Variants in HS3ST3A1 observed in about 807,000 individuals in gnomAD.
HS3ST3A1 encodes heparan sulfate-glucosamine 3-sulfotransferase 3A1.
HS3ST3A1 carries 19 observed loss-of-function variants against 25.7 expected under a neutral mutation model. The observed-to-expected ratio is 0.74, with a 90% CI of 0.52 to 1.08. The LOEUF (loss-of-function observed/expected upper bound fraction) is 1.08, where lower values mean the gene tolerates loss of function less well. HS3ST3A1 is among the 50% of genes least tolerant of loss of function. HS3ST3A1 has a pLI of 0.00. For missense variants in HS3ST3A1, 459 were observed against 594.3 expected (o/e 0.77, Z 2.37); for synonymous variants, 226 against 278.6 (o/e 0.81, Z 1.88).
At chr17:13,537,991 T>C (rs1906820045) in intron 1 of HS3ST3A1, among the ~76,000 whole-genome samples, 1 of 152,252 alleles carries the variant, frequency 6.6e-6, no homozygotes, top group Non-Finnish European at 1.5e-5. Flanking sequence ...CTTGTTCAAC[T>C]AATACAATAA....
intron 1 of HS3ST3A1, among the ~76,000 whole-genome samples, chr17:13,596,489 T>C (rs1018025459): frequency 1.3e-5 from 2 of 151,638 alleles, no homozygotes; most frequent in African/African-American, 4.8e-5. Context: ...TGGTTGTCTA[T>C]TGGGGATGAG....
chr17:13,494,413 C>T lies in HS3ST3A1; in HGVS notation c.*1784G>A, dbSNP rs1905216222. On this transcript the variant is annotated 3_prime_UTR_variant, in exon 2 of 2. Transcript: ENST00000284110. ...CTAACACTTAAAATATTTTTTCCTT[C>T]ATTTTAATCCTGTGTTAAGCTTCTC... 1.3e-5 allele frequency among the ~76,000 whole-genome samples: 2 copies of T among 152,158 alleles called. No homozygotes were observed. Among genetic ancestry groups the T allele is most frequent in the African/African-American group, 4.8e-5 (2 of 41,438 alleles).
chr17:13,596,159 G>A (rs1394502436), intron 1 of HS3ST3A1, among the ~76,000 whole-genome samples: 2 of 152,094 alleles, frequency 1.3e-5, no homozygotes, highest in Non-Finnish European at 2.9e-5. Flanking sequence ...TAAAGTATAA[G>A]AGCGTATTAT....
intron 1 of HS3ST3A1, among the ~76,000 whole-genome samples, chr17:13,533,522 C>T (rs7209410): frequency 0.36 from 45,575 of 126,276 alleles, 11,508 homozygotes; most frequent in African/African-American, 0.65. Flanking sequence ...ACTGAAGTTA[C>T]TAATTTTTAA....
At chr17:13,535,161 C>G (rs888218689) in intron 1 of HS3ST3A1, among the ~76,000 whole-genome samples, 1 of 152,186 alleles carries the variant, frequency 6.6e-6, no homozygotes, top group African/African-American at 2.4e-5. Context: ...AAATCATAAT[C>G]TTGTTTTATG....
intron 1 of HS3ST3A1, among the ~76,000 whole-genome samples, chr17:13,573,190 A>G (rs1197351484): frequency 6.6e-6 from 1 of 152,270 alleles, no homozygotes; most frequent in East Asian, 1.9e-4. Context: ...ATGGCATTAC[A>G]GTTGCCCTAG....
intron 1 of HS3ST3A1, among the ~76,000 whole-genome samples, chr17:13,558,091 G>A (rs899270043): frequency 6.6e-6 from 1 of 152,142 alleles, no homozygotes; most frequent in Non-Finnish European, 1.5e-5. Flanking sequence ...AGTCCACCAA[G>A]ATTTCATTTA....
rs114243224 is a variant in HS3ST3A1 at position 13,518,048 on chromosome 17, T to G, written c.600-21230A>C. On this transcript the variant is annotated intron_variant, in intron 1 of 1. Coordinates refer to ENST00000284110, the MANE Select transcript of HS3ST3A1 (RefSeq NM_006042.3). Reference sequence around the variant, plus strand: ...TTGAAAAAATGGAGGCATAAGAGACTAGTGCTTGTAAAAATGGAGGCATAT... The same window carrying G: ...TTGAAAAAATGGAGGCATAAGAGACGAGTGCTTGTAAAAATGGAGGCATAT... Among the ~76,000 whole-genome samples, 1,008 of 152,284 alleles carry G rather than the reference T, an allele frequency of 6.6e-3. 11 individuals are homozygous for G. Among genetic ancestry groups the G allele is most frequent in the African/African-American group, 0.023 (964 of 41,554 alleles).
At chr17:13,584,645 C>T (rs911022820) in intron 1 of HS3ST3A1, among the ~76,000 whole-genome samples, 2 of 152,116 alleles carry the variant, frequency 1.3e-5, no homozygotes, top group Non-Finnish European at 2.9e-5. Context: ...AACAATTAAT[C>T]ATGCCACTAT....
At chr17:13,579,311 C>T (rs759843645) in intron 1 of HS3ST3A1, among the ~76,000 whole-genome samples, 13 of 152,094 alleles carry the variant, frequency 8.5e-5, no homozygotes, top group African/African-American at 2.4e-4. Flanking sequence ...TTAGAAATAA[C>T]ATTACAAACA....
chr17:13,550,912 C>G (rs1288738912), intron 1 of HS3ST3A1, among the ~76,000 whole-genome samples: 1 of 151,728 alleles, frequency 6.6e-6, no homozygotes, highest in Non-Finnish European at 1.5e-5. Flanking sequence ...ACGAAAAATA[C>G]AAAAATTAGC....
intron 1 of HS3ST3A1, among the ~76,000 whole-genome samples, chr17:13,558,366 T>C (rs1239980877): frequency 3.3e-5 from 5 of 152,088 alleles, no homozygotes; most frequent in Non-Finnish European, 7.4e-5. Flanking sequence ...ATACATATGG[T>C]ATTATTTATA....
At chr17:13,552,227 A>T (rs1000588365) in intron 1 of HS3ST3A1, among the ~76,000 whole-genome samples, 3 of 152,048 alleles carry the variant, frequency 2.0e-5, no homozygotes, top group Non-Finnish European at 4.4e-5. Context: ...TTACAGGCAC[A>T]CACCACCACA....
chr17:13,526,101 C>T (rs922962937), intron 1 of HS3ST3A1, among the ~76,000 whole-genome samples: 2 of 151,956 alleles, frequency 1.3e-5, no homozygotes, highest in East Asian at 4.0e-4. Flanking sequence ...TGGCCCTTGG[C>T]GTCTCCACAG....
intron 1 of HS3ST3A1, among the ~76,000 whole-genome samples, chr17:13,526,478 A>ATATATATATATATT (rs1159459820): frequency 4.2e-5 from 2 of 47,488 alleles, no homozygotes; most frequent in African/African-American, 2.0e-4. Context: ...TAATTTTTAT[A>ATATATATATATATT]TATATATATA....
chr17:13,503,813 C>T (rs1284465449), intron 1 of HS3ST3A1, among the ~76,000 whole-genome samples: 4 of 152,128 alleles, frequency 2.6e-5, no homozygotes, highest in Non-Finnish European at 5.9e-5. Context: ...CACTATCTAC[C>T]AAACGAGCGC....
At chr17:13,507,546 C>T (rs1905724253) in intron 1 of HS3ST3A1, among the ~76,000 whole-genome samples, 1 of 152,214 alleles carries the variant, frequency 6.6e-6, no homozygotes. Flanking sequence ...ACCTATCCAT[C>T]TCTGAATGCA....
chr17:13,545,742 C>T (rs1480273857), intron 1 of HS3ST3A1, among the ~76,000 whole-genome samples: 4 of 152,114 alleles, frequency 2.6e-5, no homozygotes, highest in Admixed American at 6.6e-5. Flanking sequence ...TTTCGGGGGC[C>T]GAGGCGCATG....
chr17:13,579,952 A>G (rs1908066278), intron 1 of HS3ST3A1, among the ~76,000 whole-genome samples: 1 of 147,638 alleles, frequency 6.8e-6, no homozygotes, highest in Non-Finnish European at 1.5e-5. Context: ...CTAAAAAAAA[A>G]AAAAAAAAAA....
Sources: gnomAD v4.1 joint callset for allele counts (sites outside exome capture counted in the v4.1 genomes callset) on GRCh38, gnomAD v4.1.1 for gene constraint, MANE v1.5 for transcripts, NCBI Gene and HGNC (gene_info 2026-07-23, HGNC 2026-07-21) for gene names.